Variants in AMPD1 observed in about 807,000 individuals in gnomAD.
The protein encoded by AMPD1 is adenosine monophosphate deaminase 1, also known as AMP deaminase 1.
Under a neutral mutation model 82.9 loss-of-function variants are expected in AMPD1, and 74 were observed. The ratio of observed to expected loss-of-function variants is 0.89; its 90% CI spans 0.74 to 1.08. The LOEUF (loss-of-function observed/expected upper bound fraction) is 1.08, where lower values mean the gene tolerates loss of function less well. Ranked by LOEUF, AMPD1 falls within the 50% of genes least tolerant of loss-of-function variation. AMPD1 has a pLI of 0.00. For synonymous variants in AMPD1, 333 were observed against 320.5 expected (o/e 1.04, Z -0.42); for missense variants, 881 against 924.5 (o/e 0.95, Z 0.61).
chr1:114,674,615 C>A (rs1168977528), intron 13 of AMPD1, 137 bp downstream of exon 13: 2 of 1,117,114 alleles, frequency 1.8e-6, no homozygotes, highest in Non-Finnish European at 2.5e-6. Context: ...ATGAACTGCA[C>A]TAAACTAAAA....
intron 6 of AMPD1, 40 bp downstream of exon 6, chr1:114,680,216 TGTA>T (rs1228544463): frequency 1.3e-6 from 2 of 1,522,538 alleles, no homozygotes; most frequent in Non-Finnish European, 1.8e-6. Flanking sequence ...GTTTAGGTCT[TGTA>T]GTACTAGTTG....
chr1:114,695,397 A>G, intron 1 of AMPD1, 53 bp downstream of exon 1: 2 of 388,650 alleles, frequency 5.1e-6, no homozygotes, highest in Non-Finnish European at 6.8e-6. Context: ...TTGCTTGTCA[A>G]AAAAAAAAAA....
chr1:114,678,619 T>G, intron 7 of AMPD1, 92 bp from the exon 8 acceptor site: 1 of 1,192,274 alleles, frequency 8.4e-7, no homozygotes, highest in Non-Finnish European at 1.2e-6. Context: ...TCCCACTGCG[T>G]TGGGACAAAG....
chr1:114,673,580 C>A, intron 15 of AMPD1, 59 bp downstream of exon 15: 2 of 1,356,326 alleles, frequency 1.5e-6, no homozygotes, highest in Non-Finnish European at 2.1e-6. Flanking sequence ...ACTACTTTTT[C>A]GGTATTCAAG....
intron 5 of AMPD1, among the ~76,000 whole-genome samples, chr1:114,683,926 T>G (rs1308140405): frequency 6.6e-6 from 1 of 152,030 alleles, no homozygotes; most frequent in Non-Finnish European, 1.5e-5. Context: ...GAGACTGAAA[T>G]TTTGCAGAGT....
chr1:114,680,214 C>T (rs757683685), intron 6 of AMPD1, 45 bp downstream of exon 6: 1 of 1,528,218 alleles, frequency 6.5e-7, no homozygotes, highest in Non-Finnish European at 9.1e-7. Flanking sequence ...TTGTTTAGGT[C>T]TTGTAGTACT....
In AMPD1 at chr1:114,677,484, A is replaced by G; in HGVS notation, c.1255T>C (p.Tyr419His). The G allele has an allele frequency of 6.2e-7, 1 of 1,613,474 alleles. No homozygotes were observed. Among genetic ancestry groups the G allele is most frequent in the Non-Finnish European group, 8.5e-7 (1 of 1,179,916 alleles). Reference sequence around the variant, plus strand: ...GACAGGCGGGGCTCAGCATGCTGGTACTTGGCCTCCACCAGGTCCGCACCT... The same window carrying G: ...GACAGGCGGGGCTCAGCATGCTGGTGCTTGGCCTCCACCAGGTCCGCACCT... ...EVGADLVEAKYQHAEPRLSIY... is the reference protein window; with the variant it reads ...EVGADLVEAKHQHAEPRLSIY... The change falls in exon 10 of 16, where the codon TAC becomes CAC. Residue 419 changes from tyrosine to histidine, a missense_variant. Tyr to His is a moderately conservative substitution (Grantham distance 83). Transcript: ENST00000520113.
intron 5 of AMPD1, among the ~76,000 whole-genome samples, chr1:114,682,701 C>G (rs990523259): frequency 7.9e-5 from 12 of 152,058 alleles, no homozygotes; most frequent in Non-Finnish European, 2.9e-5. Context: ...GCCTCAGCCT[C>G]CGGAGTAGCT....
rs1446582472 is a variant in AMPD1, at chr1:114,684,382, G to A, written c.382-18C>T. On this transcript the variant is annotated intron_variant, in intron 4 of 15. Coordinates refer to ENST00000520113, the MANE Select transcript of AMPD1 (RefSeq NM_000036.3). ...ACTGTAACCTGCCAAAAAAAAAAAA[G>A]TCAGCATATCAGAGTCAATCCCACG... 1.1e-5 allele frequency: 18 copies of A among 1,597,582 alleles called. No individual in the cohort carries two copies. Among genetic ancestry groups the A allele is most frequent in the Non-Finnish European group, 1.3e-5 (15 of 1,169,308 alleles).
rs201837665 is a variant in AMPD1, at chr1:114,688,684, T to C, written c.92A>G (p.Asp31Gly). ...AEKVFASEVKDEGGRQEISPF... is the reference protein window; with the variant it reads ...AEKVFASEVKGEGGRQEISPF... ...GGAAATCTCCTGACGACCTCCTTCA[T>C]CTTTGACTTCAGAGGCAAACACTTT... Residue 31 changes from aspartate (D) to glycine (G), a missense_variant, in exon 3 of 16, where the codon GAT becomes GGT. Coordinates refer to ENST00000520113, the MANE Select transcript of AMPD1 (RefSeq NM_000036.3). 1.6e-5 allele frequency: 26 copies of C among 1,614,114 alleles called. 2 individuals carry two copies. The Middle Eastern group carries it at 2.3e-3, about 143-fold the overall frequency.
chr1:114,695,052 A>C (rs1457350491), intron 1 of AMPD1, among the ~76,000 whole-genome samples: 1 of 152,172 alleles, frequency 6.6e-6, no homozygotes, highest in African/African-American at 2.4e-5. Context: ...ATTCTCGTGA[A>C]CCATCAGAAT....
chr1:114,673,915 A>G lies in AMPD1; in HGVS notation c.1968T>C (p.Phe656=). The change falls in exon 14 of 16, where the codon TTT becomes TTC. Residue 656 remains phenylalanine, a synonymous_variant. Transcript: ENST00000520113. ...GCCCAAGTCCATACTATACCTTGGT[A>G]AAGTGGAATTGCATTGGGTCATCTG... ...LSTDDPMQFH[F]TKEPLMEEYA... The G allele has an allele frequency of 6.2e-7, 1 of 1,614,084 alleles. No individual in the cohort carries two copies. The highest frequency in any genetic ancestry group is 8.5e-7 in the Non-Finnish European group (1 of 1,179,944).
chr1:114,677,967 G>T lies in AMPD1; in HGVS notation c.1167C>A (p.Asp389Glu), dbSNP rs1379381340. 6.2e-7 allele frequency: 1 copy of T among 1,613,866 alleles called. No homozygotes were observed. Among genetic ancestry groups the T allele is most frequent in the Non-Finnish European group, 8.5e-7 (1 of 1,179,880 alleles). ...YNPVGASELR[D>E]LYLKTDNYIN... is the part of the protein sequence containing the mutation. ...TGTAATTGTCTGTCTTCAAGTAGAG[G>T]TCCCGTAGCTCACTTGCTCCTACAG... Residue 389 changes from aspartate (D) to glutamate (E), a missense_variant, in exon 9 of 16, where the codon GAC (aspartate) becomes GAA (glutamate). This residue lies in a region of AMPD1 where 783 missense variants were observed against 786.4 expected (regional missense o/e 1.00). Coordinates refer to ENST00000520113, the MANE Select transcript of AMPD1 (RefSeq NM_000036.3).
intron 7 of AMPD1, 63 bp from the exon 8 acceptor site, chr1:114,678,590 G>C: frequency 6.8e-7 from 1 of 1,461,744 alleles, no homozygotes; most frequent in South Asian, 1.1e-5. Context: ...ACTCTGTTTA[G>C]AGGATATGGT....
chr1:114,679,066 C>T (rs1658079938), intron 7 of AMPD1, among the ~76,000 whole-genome samples: 1 of 152,220 alleles, frequency 6.6e-6, no homozygotes, highest in Non-Finnish European at 1.5e-5. Context: ...TCCTTGTAAT[C>T]ATTTTAATGG....
intron 2 of AMPD1, among the ~76,000 whole-genome samples, chr1:114,693,017 C>T (rs1239051907): frequency 6.6e-6 from 1 of 151,312 alleles, no homozygotes; most frequent in Non-Finnish European, 1.5e-5. Flanking sequence ...CTCAGCTACT[C>T]GGGAGGCTGA....
chr1:114,692,877 A>C (rs1658554226), intron 2 of AMPD1, among the ~76,000 whole-genome samples: 1 of 151,104 alleles, frequency 6.6e-6, no homozygotes, highest in Non-Finnish European at 1.5e-5. Context: ...CCACACCTGT[A>C]ATCCCAGCAC....
chr1:114,694,953 A>G (rs1658633216), intron 1 of AMPD1, among the ~76,000 whole-genome samples: 1 of 152,242 alleles, frequency 6.6e-6, no homozygotes, highest in South Asian at 2.1e-4. Flanking sequence ...TCTATTTCAC[A>G]TGAAACATGT....
At chr1:114,682,784 T>A (rs193189207) in intron 5 of AMPD1, among the ~76,000 whole-genome samples, 12 of 152,258 alleles carry the variant, frequency 7.9e-5, no homozygotes, top group Non-Finnish European at 1.8e-4. Context: ...TTCACCGTGT[T>A]AGCCAAGATG....
Sources: allele counts gnomAD v4.1 joint callset (sites outside exome capture counted in the v4.1 genomes callset), GRCh38; gene constraint gnomAD v4.1.1; regional missense constraint gnomAD v4.1.1; transcripts MANE v1.5; gene names NCBI Gene and HGNC (gene_info 2026-07-23, HGNC 2026-07-21).